The following TMPRSS9 variants were observed in gnomAD, a reference collection of about 807,000 sequenced individuals.
The protein encoded by TMPRSS9 is transmembrane protease serine 9.
TMPRSS9 carries 113 observed loss-of-function variants against 111.4 expected under a neutral mutation model. The observed-to-expected ratio is 1.01, with a 90% CI of 0.87 to 1.19. The LOEUF (loss-of-function observed/expected upper bound fraction) is 1.19. Ranked by LOEUF, TMPRSS9 falls within the 50% of genes most tolerant of loss-of-function variation. TMPRSS9 has a pLI of 0.00. For synonymous variants in TMPRSS9, 805 were observed against 659.1 expected (o/e 1.22, Z -3.39); for missense variants, 1,803 against 1,513.1 (o/e 1.19, Z -3.18).
chr19:2,392,348 A>G (rs572099469), intron 1 of TMPRSS9, among the ~76,000 whole-genome samples: 1 of 151,434 alleles, frequency 6.6e-6, no homozygotes, highest in East Asian at 2.0e-4. Flanking sequence ...AGCTATGATC[A>G]CACCACTGCA....
Position 2,423,453 on chromosome 19 carries a change from C to T in TMPRSS9, c.2549-636C>T, listed in dbSNP as rs1337997550. Among the ~76,000 whole-genome samples, 54 of 60,612 alleles carry T rather than the reference C, an allele frequency of 8.9e-4. No homozygotes were observed. In the Admixed American group the frequency reaches 0.013, roughly 14 times the overall value. 39.8% of individuals were successfully genotyped at this position (60,612 alleles called of 152,430 possible). On this transcript the variant is annotated intron_variant, in intron 14 of 17. Transcript: ENST00000648592. The stretch of plus-strand genomic sequence containing the variant: ...TTGGTAGCTGCTGCGGGTTGGATGG[C>T]GGTTGGTGGGGGGTGGGGGGCGGGG...
At chr19:2,410,233 T>C in intron 8 of TMPRSS9, 25 bp from the exon 10 acceptor site, 2 of 1,612,902 alleles carry the variant, frequency 1.2e-6, no homozygotes, top group Non-Finnish European at 8.5e-7. Context: ...ACTCTCACCC[T>C]GCTTTTCTCT....
chr19:2,379,335 G>A (rs1036381316), intron 1 of TMPRSS9, among the ~76,000 whole-genome samples: 3 of 151,718 alleles, frequency 2.0e-5, no homozygotes, highest in Non-Finnish European at 2.9e-5. Flanking sequence ...ACAGGTGCCC[G>A]CCACCACGCC....
intron 1 of TMPRSS9, among the ~76,000 whole-genome samples, chr19:2,391,898 C>T (rs777777536): frequency 9.9e-5 from 15 of 151,932 alleles, no homozygotes; most frequent in Admixed American, 2.6e-4. Flanking sequence ...TGTGCCACTA[C>T]GCCGAGCTAA....
At chr19:2,411,121 GA>G (rs1238171334) in intron 9 of TMPRSS9, among the ~76,000 whole-genome samples, 1 of 151,580 alleles carries the variant, frequency 6.6e-6, no homozygotes, top group African/African-American at 2.4e-5. Flanking sequence ...GCAACATGGC[GA>G]AACCTTGTCT....
chr19:2,381,579 G>A (rs1209641327), intron 1 of TMPRSS9, among the ~76,000 whole-genome samples: 4 of 144,716 alleles, frequency 2.8e-5, no homozygotes, highest in Non-Finnish European at 6.0e-5. Flanking sequence ...CCTCCCCACC[G>A]CCCCTGCCTC....
In TMPRSS9 at chr19:2,418,321, C is replaced by CCTTTTCCTTT. The variant is rs1568189392; in HGVS notation, c.2154+184_2154+185insTTTTCCTTTC. ...CTTCCCTCCCTTTCCCTCCCTCCCTCCCTCCCTCCCTTTCCTTCCCTCCCT... is the reference window on the plus strand; with the variant it reads ...CTTCCCTCCCTTTCCCTCCCTCCCTCCTTTTCCTTTCCTCCCTCCCTTTCCTTCCCTCCCT... On this transcript the variant is annotated intron_variant, in intron 13 of 17. Coordinates refer to ENST00000648592, the Ensembl canonical transcript of TMPRSS9. 1.0e-3 allele frequency among the ~76,000 whole-genome samples: 45 copies of CCTTTTCCTTT among 43,102 alleles called. 4 individuals are homozygous for CCTTTTCCTTT. Among genetic ancestry groups the CCTTTTCCTTT allele is most frequent in the South Asian group, 3.2e-3 (3 of 938 alleles). 28.3% of individuals were successfully genotyped at this position (43,102 alleles called of 152,430 possible). A position where few individuals can be genotyped will look rare whatever the true frequency, so the allele number is the denominator to read the frequency against.
At chr19:2,371,255 G>A (rs777275384) in intron 1 of TMPRSS9, among the ~76,000 whole-genome samples, 12 of 152,172 alleles carry the variant, frequency 7.9e-5, no homozygotes, top group African/African-American at 2.7e-4. Flanking sequence ...TCGCTCACTC[G>A]TTCACAGTCA....
chr19:2,400,496 T>C (rs190720881), intron 4 of TMPRSS9, among the ~76,000 whole-genome samples: 8 of 150,984 alleles, frequency 5.3e-5, no homozygotes, highest in Admixed American at 5.3e-4. Flanking sequence ...GAGCCAAGGT[T>C]GCACTACTGC....
chr19:2,386,004 G>A (rs1970467553), upstream of TMPRSS9, among the ~76,000 whole-genome samples: 1 of 152,048 alleles, frequency 6.6e-6, no homozygotes, highest in African/African-American at 2.4e-5. Flanking sequence ...GAGTGCAGTG[G>A]TGTGATCACA....
intron 4 of TMPRSS9, 72 bp from the exon 6 acceptor site, chr19:2,401,903 C>T (rs1037077590): frequency 1.2e-5 from 17 of 1,453,380 alleles, no homozygotes; most frequent in Middle Eastern, 1.8e-4. Flanking sequence ...CCACCGCGCC[C>T]GGCCAATAGG....
intron 7 of TMPRSS9, among the ~76,000 whole-genome samples, chr19:2,407,619 T>C (rs202018055): frequency 8.2e-5 from 11 of 134,626 alleles, no homozygotes; most frequent in African/African-American, 2.5e-4. Flanking sequence ...TTTTTTTTTT[T>C]TTTTTTTTTT....
intron 6 of TMPRSS9, among the ~76,000 whole-genome samples, chr19:2,404,536 C>T (rs1031323486): frequency 7.4e-5 from 11 of 149,444 alleles, no homozygotes; most frequent in Admixed American, 2.7e-4. Context: ...GAGCAAAACT[C>T]TGTCTCAAAA....
At chr19:2,370,549 C>T (rs140794832) in intron 1 of TMPRSS9, among the ~76,000 whole-genome samples, 1 of 151,878 alleles carries the variant, frequency 6.6e-6, no homozygotes, top group Admixed American at 6.6e-5. Context: ...AGGCTGGTCT[C>T]AACCCCTGGC....
At chr19:2,392,722 G>A (rs1456937395) in intron 1 of TMPRSS9, among the ~76,000 whole-genome samples, 18 of 152,172 alleles carry the variant, frequency 1.2e-4, no homozygotes, top group Non-Finnish European at 5.9e-5. Flanking sequence ...GATTGTAAAT[G>A]CACCAATAAG....
chr19:2,379,615 CTCTTTCTTTCTTTCTTTCTTTCTTTCTT>C (rs34251969), intron 1 of TMPRSS9, among the ~76,000 whole-genome samples: 9 of 118,510 alleles, frequency 7.6e-5, no homozygotes, highest in East Asian at 5.2e-4. Flanking sequence ...AACTTTCTTT[CTCTTTCTTTCTTTCTTTCTTTCTTTCTT>C]TCTTTCTTTC....
chr19:2,416,892 C>T, intron 12 of TMPRSS9, 83 bp downstream of exon 13: 2 of 1,484,846 alleles, frequency 1.3e-6, no homozygotes, highest in Admixed American at 2.1e-5. Flanking sequence ...CATCTCTTAC[C>T]TGGACCCTAA....
upstream of TMPRSS9, among the ~76,000 whole-genome samples, chr19:2,388,731 C>T (rs1411014439): frequency 6.6e-6 from 1 of 152,104 alleles, no homozygotes; most frequent in Non-Finnish European, 1.5e-5. Context: ...AGTGATCCTC[C>T]TGCCTCAGCC....
chr19:2,411,887 C>G (rs182338229), intron 9 of TMPRSS9, among the ~76,000 whole-genome samples: 7 of 152,266 alleles, frequency 4.6e-5, no homozygotes, highest in Admixed American at 4.6e-4. Flanking sequence ...GTGTCTCATT[C>G]TTTCTTCTTT....
Sources: allele counts gnomAD v4.1 joint callset (sites outside exome capture counted in the v4.1 genomes callset), GRCh38; gene constraint gnomAD v4.1.1; transcripts MANE v1.5; gene names NCBI Gene and HGNC (gene_info 2026-07-23, HGNC 2026-07-21).